CDH4: variants seen among roughly 807,000 people sequenced by gnomAD.
CDH4 encodes the protein cadherin 4, also known as cadherin-4.
Under a neutral mutation model 86.0 loss-of-function variants are expected in CDH4, and 33 were observed. The observed-to-expected ratio is 0.38, with a 90% CI of 0.29 to 0.51. The LOEUF (loss-of-function observed/expected upper bound fraction) is 0.51, where lower values mean the gene tolerates loss of function less well. CDH4 is among the 20% of genes least tolerant of loss of function. The pLI is 0.86. For missense variants in CDH4, 1,114 were observed against 1,307.4 expected, an observed-to-expected ratio of 0.85 and a Z score of 2.28; for synonymous variants, 555 against 549.4, an observed-to-expected ratio of 1.01 and a Z score of -0.14.
intron 4 of CDH4, among the ~76,000 whole-genome samples, chr20:61,812,193 G>A (rs1262178862): frequency 2.0e-5 from 3 of 152,082 alleles, no homozygotes; most frequent in Non-Finnish European, 2.9e-5. Flanking sequence ...TATTGGGGGC[G>A]GGGTATCAGG....
At chr20:61,607,145 T>C (rs565960282) in intron 2 of CDH4, among the ~76,000 whole-genome samples, 14 of 152,296 alleles carry the variant, frequency 9.2e-5, no homozygotes, top group African/African-American at 3.4e-4. Flanking sequence ...AACCTGAATA[T>C]ACAAGTTGGA....
At chr20:61,583,015 G>A (rs1251237853) in intron 2 of CDH4, among the ~76,000 whole-genome samples, 1 of 151,982 alleles carries the variant, frequency 6.6e-6, no homozygotes, top group African/African-American at 2.4e-5. Context: ...CACTGCGCAT[G>A]AGAGAATTGT....
chr20:61,934,566 G>A (rs565048933), intron 15 of CDH4, among the ~76,000 whole-genome samples: 4 of 152,348 alleles, frequency 2.6e-5, no homozygotes, highest in Non-Finnish European at 5.9e-5. Flanking sequence ...GCGGGGCGAC[G>A]GCGGGGAAGG....
At chr20:61,394,604 G>A (rs575657842) in intron 2 of CDH4, among the ~76,000 whole-genome samples, 9 of 151,838 alleles carry the variant, frequency 5.9e-5, no homozygotes, top group South Asian at 2.1e-4. Context: ...TGAGGACTGC[G>A]GCCAGGGGAC....
chr20:61,843,687 TAAAAAAAAA>T (rs67518472), intron 4 of CDH4, among the ~76,000 whole-genome samples: 1 of 140,718 alleles, frequency 7.1e-6, no homozygotes, highest in Non-Finnish European at 1.5e-5. Flanking sequence ...GACCTGTCTC[TAAAAAAAAA>T]AAAAAAAAAA....
At chr20:61,814,837 C>T (rs1980632759) in intron 4 of CDH4, among the ~76,000 whole-genome samples, 1 of 152,166 alleles carries the variant, frequency 6.6e-6, no homozygotes. Context: ...TGCAGTAAGC[C>T]TCCCAGGGAA....
chr20:61,287,874 G>C (rs899522498), intron 2 of CDH4, among the ~76,000 whole-genome samples: 1 of 152,166 alleles, frequency 6.6e-6, no homozygotes, highest in Non-Finnish European at 1.5e-5. Context: ...GCCTGAAGCC[G>C]GGAGGACAAG....
chr20:61,360,075 A>G (rs976865842), intron 2 of CDH4, among the ~76,000 whole-genome samples: 2 of 150,786 alleles, frequency 1.3e-5, no homozygotes, highest in African/African-American at 4.8e-5. Context: ...CAGAATCACT[A>G]AAATCCAGGG....
chr20:61,935,801 G>A (rs1047972095), intron 15 of CDH4, among the ~76,000 whole-genome samples: 1 of 152,168 alleles, frequency 6.6e-6, no homozygotes, highest in Admixed American at 6.6e-5. Context: ...CAGGAGAATC[G>A]CTTGAACGTG....
intron 2 of CDH4, among the ~76,000 whole-genome samples, chr20:61,733,839 T>C (rs2088227939): frequency 6.6e-6 from 1 of 152,200 alleles, no homozygotes; most frequent in South Asian, 2.1e-4. Flanking sequence ...GCTCATTTGA[T>C]CTTTCTCAAT....
chr20:61,630,604 T>A (rs974053075), intron 2 of CDH4, among the ~76,000 whole-genome samples: 16 of 152,162 alleles, frequency 1.1e-4, no homozygotes, highest in African/African-American at 3.9e-4. Flanking sequence ...CTCCTCCTCT[T>A]GGGGAAGAAG....
intron 2 of CDH4, among the ~76,000 whole-genome samples, chr20:61,304,525 T>C (rs2084404650): frequency 6.6e-6 from 1 of 151,800 alleles, no homozygotes. Context: ...TTTGTTGTGT[T>C]GTATATGGTG....
intron 4 of CDH4, among the ~76,000 whole-genome samples, chr20:61,813,238 G>A (rs1980529331): frequency 6.6e-6 from 1 of 152,186 alleles, no homozygotes; most frequent in Non-Finnish European, 1.5e-5. Flanking sequence ...CCAGCTCCTT[G>A]GAGGTCCCCA....
At chr20:61,888,952 A>T (rs1446986173) in intron 7 of CDH4, among the ~76,000 whole-genome samples, 1 of 152,222 alleles carries the variant, frequency 6.6e-6, no homozygotes, top group African/African-American at 2.4e-5. Context: ...GACACCAGTC[A>T]CTGAAATAGT....
intron 2 of CDH4, among the ~76,000 whole-genome samples, chr20:61,466,749 G>A (rs532062428): frequency 2.0e-5 from 3 of 152,120 alleles, no homozygotes; most frequent in Non-Finnish European, 2.9e-5. Flanking sequence ...TAATCAGGAC[G>A]CTGAGGCGGG....
chr20:61,293,459 A>AC (rs1173974539), intron 2 of CDH4, among the ~76,000 whole-genome samples: 2 of 151,950 alleles, frequency 1.3e-5, no homozygotes, highest in Non-Finnish European at 2.9e-5. Context: ...GCGTGCGGGG[A>AC]CTTCTGGGGA....
intron 2 of CDH4, among the ~76,000 whole-genome samples, chr20:61,371,196 C>T (rs1024936802): frequency 4.1e-4 from 62 of 152,292 alleles, no homozygotes; most frequent in African/African-American, 1.3e-3. Context: ...TGGTTTGGCC[C>T]TGGACTGTGC....
intron 7 of CDH4, among the ~76,000 whole-genome samples, chr20:61,878,872 G>A (rs1301866107): frequency 1.3e-5 from 2 of 152,184 alleles, no homozygotes; most frequent in Non-Finnish European, 2.9e-5. Context: ...GCGGGGGTGT[G>A]CCGAGGCCAG....
chr20:61,265,143 A>G (rs1175536160), intron 2 of CDH4, among the ~76,000 whole-genome samples: 2 of 141,200 alleles, frequency 1.4e-5, no homozygotes, highest in Non-Finnish European at 3.0e-5. Context: ...TCAGTCCTAC[A>G]CATAACTCAG....
Sources: gnomAD v4.1 joint callset for allele counts (sites outside exome capture counted in the v4.1 genomes callset) on GRCh38, gnomAD v4.1.1 for gene constraint, MANE v1.5 for transcripts, NCBI Gene and HGNC (gene_info 2026-07-23, HGNC 2026-07-21) for gene names.